Variants in UVRAG observed in about 807,000 individuals in gnomAD.
UVRAG encodes UV radiation resistance-associated gene protein.
UVRAG carries 19 observed loss-of-function variants against 78.0 expected under a neutral mutation model. The observed-to-expected ratio is 0.24, with a 90% CI of 0.17 to 0.36. The LOEUF is 0.36. Ranked by LOEUF, UVRAG falls within the 10% of genes least tolerant of loss-of-function variation. UVRAG has a pLI of 1.00. For synonymous variants in UVRAG, 323 were observed against 324.6 expected (o/e 1.00, Z 0.05); for missense variants, 740 against 853.8 (o/e 0.87, Z 1.66).
chr11:76,074,287 A>G (rs1218287925), intron 13 of UVRAG, among the ~76,000 whole-genome samples: 1 of 152,192 alleles, frequency 6.6e-6, no homozygotes, highest in Non-Finnish European at 1.5e-5. Flanking sequence ...ATTTTCTGTG[A>G]AACTCTTCAA....
intron 7 of UVRAG, among the ~76,000 whole-genome samples, chr11:75,975,761 T>G (rs962548575): frequency 1.3e-5 from 2 of 152,190 alleles, no homozygotes; most frequent in African/African-American, 2.4e-5. Flanking sequence ...TTAAGGAGAT[T>G]TTGGGCTGAG....
rs533006435 is a variant in UVRAG at position 76,036,734 on chromosome 11, TAAAA to T, written c.1226+19762_1226+19765del. ...AATATTCAAAACATGGTGGCTGAGTTAAAAAAAAAAACACAGACAATATTAAGAA... is the reference window on the plus strand; with the variant it reads ...AATATTCAAAACATGGTGGCTGAGTTAAAAAAACACAGACAATATTAAGAA... On this transcript the variant is annotated intron_variant, in intron 12 of 14. Transcript: ENST00000356136. Among the ~76,000 whole-genome samples the T allele has an allele frequency of 1.5e-4, 21 of 142,912 alleles. No individual in the cohort carries two copies. In the South Asian group the frequency reaches 4.6e-3, roughly 32 times the overall value. The allele number at this position is 142,912 out of a possible 152,430, so 93.8% of individuals were successfully genotyped here.
At chr11:75,974,348 C>CTT (rs1250909052) in intron 7 of UVRAG, among the ~76,000 whole-genome samples, 1 of 122,356 alleles carries the variant, frequency 8.2e-6, no homozygotes, top group African/African-American at 3.1e-5. Flanking sequence ...GCATAAATGT[C>CTT]TTCTTTTTTT....
chr11:75,908,696 A>T (rs1375861616), intron 5 of UVRAG, among the ~76,000 whole-genome samples: 2 of 143,460 alleles, frequency 1.4e-5, no homozygotes, highest in Non-Finnish European at 3.0e-5. Context: ...CACCAGTCAA[A>T]TAATCTGGTT....
At chr11:75,835,968 G>T (rs1343921566) in intron 1 of UVRAG, among the ~76,000 whole-genome samples, 1 of 152,066 alleles carries the variant, frequency 6.6e-6, no homozygotes, top group Admixed American at 6.5e-5. Context: ...GGGCGTGGTG[G>T]TGTGCGCCTG....
At chr11:76,004,603 T>TTTCATTCATTCA (rs10553590) in intron 9 of UVRAG, among the ~76,000 whole-genome samples, 37 of 148,006 alleles carry the variant, frequency 2.5e-4, no homozygotes, top group African/African-American at 8.0e-4. Flanking sequence ...TGGAGAAACA[T>TTTCATTCATTCA]TTCATTCATT....
intron 13 of UVRAG, among the ~76,000 whole-genome samples, chr11:76,113,557 TGTA>T (rs752757420): frequency 1.3e-5 from 2 of 152,210 alleles, no homozygotes; most frequent in Non-Finnish European, 2.9e-5. Context: ...TTATAAATCT[TGTA>T]GTGGTTTAGA....
At chr11:75,830,284 T>G (rs562915445) in intron 1 of UVRAG, among the ~76,000 whole-genome samples, 1 of 152,258 alleles carries the variant, frequency 6.6e-6, no homozygotes, top group Admixed American at 6.5e-5. Flanking sequence ...AAGTATTCTT[T>G]TTTTTTTGAG....
chr11:75,930,403 G>C (rs1166255032), intron 6 of UVRAG, among the ~76,000 whole-genome samples: 1 of 152,088 alleles, frequency 6.6e-6, no homozygotes, highest in Non-Finnish European at 1.5e-5. Flanking sequence ...TGAAACATTG[G>C]AGCTGAAAAG....
In UVRAG at chr11:75,840,148, T is replaced by A. The variant is rs551876388; in HGVS notation, c.118-11735T>A. Reference sequence around the variant, plus strand: ...CATTGGTCTTATATTTCTTTTTTTTTAAATTTTGATCTTATGTTTCTAAAT... The same window carrying A: ...CATTGGTCTTATATTTCTTTTTTTTAAAATTTTGATCTTATGTTTCTAAAT... On this transcript the variant is annotated intron_variant, in intron 1 of 14. Coordinates refer to ENST00000356136, the MANE Select transcript of UVRAG (RefSeq NM_003369.4). Among the ~76,000 whole-genome samples the A allele has an allele frequency of 5.8e-4, 89 of 152,270 alleles. No homozygotes were observed. The South Asian group carries it at 8.3e-3, about 14-fold the overall frequency.
chr11:76,094,023 G>A (rs551443997), intron 13 of UVRAG, among the ~76,000 whole-genome samples: 1 of 152,252 alleles, frequency 6.6e-6, no homozygotes, highest in Admixed American at 6.5e-5. Context: ...ATTATTTTGA[G>A]ATACGCCCCA....
chr11:76,057,332 A>T (rs547608592), intron 12 of UVRAG, among the ~76,000 whole-genome samples: 2 of 152,196 alleles, frequency 1.3e-5, no homozygotes, highest in Non-Finnish European at 2.9e-5. Flanking sequence ...TTTCTGTGTT[A>T]CTTTAAATTG....
chr11:75,827,332 C>T (rs539059178), intron 1 of UVRAG, among the ~76,000 whole-genome samples: 82 of 152,018 alleles, frequency 5.4e-4, no homozygotes, highest in African/African-American at 1.3e-3. Flanking sequence ...TAATTCTGGG[C>T]GGGGCGCGGT....
chr11:76,128,129 C>T (rs146624661), intron 14 of UVRAG, among the ~76,000 whole-genome samples: 90 of 152,332 alleles, frequency 5.9e-4, no homozygotes, highest in African/African-American at 2.0e-3. Context: ...AGTAGCAGTC[C>T]ATGTCCTGTT....
intron 8 of UVRAG, among the ~76,000 whole-genome samples, chr11:75,991,309 C>A (rs146573833): frequency 6.6e-6 from 1 of 152,126 alleles, no homozygotes; most frequent in African/African-American, 2.4e-5. Context: ...ACATTGCCTG[C>A]TATCTGTGGC....
At chr11:75,929,997 C>T (rs879406553) in intron 6 of UVRAG, among the ~76,000 whole-genome samples, 2 of 152,158 alleles carry the variant, frequency 1.3e-5, no homozygotes, top group South Asian at 2.1e-4. Flanking sequence ...GGATACTTTG[C>T]GTTATTCACC....
intron 4 of UVRAG, among the ~76,000 whole-genome samples, chr11:75,886,961 C>T (rs1450035262): frequency 2.0e-5 from 3 of 149,886 alleles, no homozygotes; most frequent in Admixed American, 1.3e-4. Flanking sequence ...AATCTGAGTT[C>T]CTTAATTTTG....
At chr11:75,974,331 GTTGGCTGCATAAATGTCTTC>G (rs1949186769) in intron 7 of UVRAG, among the ~76,000 whole-genome samples, 2 of 139,484 alleles carry the variant, frequency 1.4e-5, no homozygotes, top group Non-Finnish European at 3.1e-5. Context: ...TAATGTGTCT[GTTGGCTGCATAAATGTCTTC>G]TTTTTTTTTT....
At chr11:76,095,870 CAAAAAAAAAAA>C (rs747792893) in intron 13 of UVRAG, among the ~76,000 whole-genome samples, 68 of 45,972 alleles carry the variant, frequency 1.5e-3, no homozygotes, top group African/African-American at 4.6e-3. Flanking sequence ...GACTCTGTCT[CAAAAAAAAAAA>C]AAAAAAAAAA....
Sources: allele counts gnomAD v4.1 joint callset (sites outside exome capture counted in the v4.1 genomes callset), GRCh38; gene constraint gnomAD v4.1.1; transcripts MANE v1.5; gene names NCBI Gene and HGNC (gene_info 2026-07-23, HGNC 2026-07-21).